The following HOGA1 variants were observed in gnomAD, a reference collection of about 807,000 sequenced individuals.
HOGA1 encodes the protein 4-hydroxy-2-oxoglutarate aldolase 1, also known as 4-hydroxy-2-oxoglutarate aldolase, mitochondrial.
In HOGA1, 30 loss-of-function variants were observed where a neutral mutation model predicts 34.3. That is an observed-to-expected ratio of 0.87 (90% confidence interval 0.65 to 1.19). The LOEUF (loss-of-function observed/expected upper bound fraction) is 1.19. Ranked by LOEUF, HOGA1 falls within the 50% of genes most tolerant of loss-of-function variation. The probability of loss-of-function intolerance (pLI) is 0.00; values close to 1 mark genes in which losing one functional copy is unlikely to be tolerated. For synonymous variants in HOGA1, 161 were observed against 174.0 expected (o/e 0.93, Z 0.59); for missense variants, 417 against 436.5 (o/e 0.96, Z 0.40).
At chr10:97,602,993 A>G (rs1308088615) in intron 6 of HOGA1, among the ~76,000 whole-genome samples, 3 of 151,560 alleles carry the variant, frequency 2.0e-5, no homozygotes, top group South Asian at 2.1e-4. Context: ...TGCCCGGCCT[A>G]TTCTTTTTTC....
intron 1 of HOGA1, among the ~76,000 whole-genome samples, chr10:97,593,029 C>CAAAAAAAAAAAAAAAAAAAAATAAA (rs2041039463): frequency 2.1e-5 from 1 of 47,802 alleles, no homozygotes; most frequent in Non-Finnish European, 4.0e-5. Context: ...GACTCTGTCT[C>CAAAAAAAAAAAAAAAAAAAAATAAA]AAAAAAAAAA....
In HOGA1 at chr10:97,599,228, G is replaced by T. The variant is rs1160303168; in HGVS notation, c.468+12G>T. 3 of 1,613,818 alleles carry T rather than the reference G, an allele frequency of 1.9e-6. No individual in the cohort carries two copies. Among genetic ancestry groups the T allele is most frequent in the Non-Finnish European group, 2.5e-6 (3 of 1,179,994 alleles). On this transcript the variant is annotated intron_variant, in intron 3 of 6. Coordinates refer to ENST00000370646, the MANE Select transcript of HOGA1 (RefSeq NM_138413.4). ...ACCACTACACCAAGGTGTGTGTGAG[G>T]CCTGAGACCAAGAGGAGGCTCTGCC... is the stretch of plus-strand genomic sequence containing the variant.
chr10:97,601,410 C>T (rs2041115449), intron 5 of HOGA1, among the ~76,000 whole-genome samples: 1 of 152,086 alleles, frequency 6.6e-6, no homozygotes, highest in African/African-American at 2.4e-5. Context: ...GCTTTCCATG[C>T]CCACTGCTGT....
intron 1 of HOGA1, among the ~76,000 whole-genome samples, chr10:97,594,025 C>T (rs1280805297): frequency 2.0e-5 from 3 of 151,922 alleles, no homozygotes; most frequent in East Asian, 1.9e-4. Flanking sequence ...TGCACCACCA[C>T]GCCCAGCTAA....
intron 6 of HOGA1, among the ~76,000 whole-genome samples, chr10:97,604,592 A>T (rs1345604044): frequency 1.3e-5 from 2 of 150,080 alleles, no homozygotes; most frequent in Non-Finnish European, 1.5e-5. Context: ...AAGTGCTGGG[A>T]TTACAGGCAT....
chr10:97,587,574 T>G (rs921714957), intron 1 of HOGA1, among the ~76,000 whole-genome samples: 2 of 152,034 alleles, frequency 1.3e-5, no homozygotes, highest in South Asian at 4.1e-4. Context: ...AGTGGCATGA[T>G]TTGCCTCACT....
intron 2 of HOGA1, 48 bp from the exon 3 acceptor site, chr10:97,599,041 G>A (rs747404409): frequency 2.5e-6 from 4 of 1,609,408 alleles, no homozygotes; most frequent in Non-Finnish European, 2.5e-6. Flanking sequence ...CAGTGTCCTG[G>A]TCCAGGCCTC....
intron 6 of HOGA1, among the ~76,000 whole-genome samples, chr10:97,605,392 CAG>C (rs1439756234): frequency 2.7e-5 from 4 of 146,040 alleles, no homozygotes; most frequent in African/African-American, 1.0e-4. Context: ...GCCTGGGCTA[CAG>C]AGTGAGATCC....
chr10:97,595,208 C>T (rs75009466), intron 1 of HOGA1, among the ~76,000 whole-genome samples: 2,616 of 152,246 alleles, frequency 0.017, 72 homozygotes, highest in African/African-American at 0.057. Context: ...GGGCCTTGTA[C>T]ACCCACTCCT....
chr10:97,587,047 C>T (rs1216571818), intron 1 of HOGA1, among the ~76,000 whole-genome samples: 2 of 152,212 alleles, frequency 1.3e-5, no homozygotes, highest in Admixed American at 6.5e-5. Flanking sequence ...GGCTTCTAGC[C>T]ACAGGGTCAA....
intron 5 of HOGA1, chr10:97,600,405 G>A: frequency 1.7e-6 from 1 of 577,216 alleles, no homozygotes; most frequent in Non-Finnish European, 3.1e-6. Flanking sequence ...TAGTAGGGAT[G>A]CCTGCAGTTT....
At chr10:97,594,011 A>G (rs1322369081) in intron 1 of HOGA1, among the ~76,000 whole-genome samples, 2 of 150,704 alleles carry the variant, frequency 1.3e-5, no homozygotes, top group African/African-American at 4.9e-5. Context: ...TGGGATTACA[A>G]GCGTGCACCA....
At chr10:97,604,845 G>GGA (rs1404017663) in intron 6 of HOGA1, among the ~76,000 whole-genome samples, 1 of 152,144 alleles carries the variant, frequency 6.6e-6, no homozygotes, top group Admixed American at 6.5e-5. Flanking sequence ...AGCTGGGCAT[G>GGA]GTGGTGCACA....
Position 97,612,020 on chromosome 10 carries a change from T to C in HOGA1, c.*361T>C, listed in dbSNP as rs1266597196. ...GGCACAGTAAGGGAATTTTCTTTTC[T>C]TTTTTTTTTTTTTTGAGACAGAGTT... On this transcript the variant is annotated 3_prime_UTR_variant, in exon 7 of 7. Coordinates refer to ENST00000370646, the MANE Select transcript of HOGA1 (RefSeq NM_138413.4). 0.04 allele frequency: 5,514 copies of C among 139,550 alleles called. 250 individuals carry two copies. The highest frequency in any genetic ancestry group is 0.12 in the African/African-American group (3,916 of 32,072). 8.6% of individuals were successfully genotyped at this position (139,550 alleles called of 1,614,324 possible).
intron 1 of HOGA1, among the ~76,000 whole-genome samples, chr10:97,588,520 T>C (rs548851245): frequency 6.6e-5 from 10 of 152,344 alleles, no homozygotes; most frequent in Middle Eastern, 6.8e-3. Flanking sequence ...GAGTATTCTT[T>C]TTAAATAAAA....
At chr10:97,592,219 G>C (rs2041031015) in intron 1 of HOGA1, among the ~76,000 whole-genome samples, 2 of 150,344 alleles carry the variant, frequency 1.3e-5, no homozygotes, top group South Asian at 4.2e-4. Context: ...CTGGGTGAAG[G>C]ATGTATAGAA....
In HOGA1 at chr10:97,602,030, G is replaced by T. The variant is rs778057467; in HGVS notation, c.834+40G>T. 4 of 1,585,998 alleles carry T rather than the reference G, an allele frequency of 2.5e-6. No homozygotes were observed. The South Asian group carries it at 4.6e-5, about 18-fold the overall frequency. On this transcript the variant is annotated intron_variant, in intron 6 of 6. Transcript: ENST00000370646. ...GCGGGGGCGCGGCCTGGCGGGGGGT[G>T]GGCAGTCTGTGTCCTCATTGGAGCA...
intron 1 of HOGA1, chr10:97,589,789 A>G (rs1048754727): frequency 7.5e-6 from 6 of 801,310 alleles, no homozygotes; most frequent in Non-Finnish European, 1.2e-5. Flanking sequence ...GCGTGCTCTT[A>G]GCTCTGCCTG....
At chr10:97,591,093 G>A (rs2041019080) in intron 1 of HOGA1, among the ~76,000 whole-genome samples, 1 of 152,090 alleles carries the variant, frequency 6.6e-6, no homozygotes, top group African/African-American at 2.4e-5. Context: ...CAGCTACCCT[G>A]GTCTCAGGTT....
Sources: allele counts gnomAD v4.1 joint callset (sites outside exome capture counted in the v4.1 genomes callset), GRCh38; gene constraint gnomAD v4.1.1; transcripts MANE v1.5; gene names NCBI Gene and HGNC (gene_info 2026-07-23, HGNC 2026-07-21).